The following THSD7B variants were observed in gnomAD, a reference collection of about 807,000 sequenced individuals.
The protein encoded by THSD7B is thrombospondin type 1 domain containing 7B.
Under a neutral mutation model 213.6 loss-of-function variants are expected in THSD7B, and 138 were observed. The observed-to-expected ratio is 0.65, with a 90% CI of 0.56 to 0.74. THSD7B has a LOEUF of 0.74. Among genes scored for constraint, THSD7B ranks in the 30% least tolerant of loss-of-function variants. The probability of loss-of-function intolerance (pLI) is 0.00; values close to 1 mark genes in which losing one functional copy is unlikely to be tolerated. For synonymous variants in THSD7B, 742 were observed against 687.0 expected, an observed-to-expected ratio of 1.08 and a Z score of -1.25; for missense variants, 1,931 against 1,991.5, an observed-to-expected ratio of 0.97 and a Z score of 0.58.
chr2:137,310,433 A>G, intron 12 of THSD7B, among the ~76,000 whole-genome samples: 1 of 145,256 alleles, frequency 6.9e-6, no homozygotes, highest in African/African-American at 2.6e-5. Context: ...GGTTGTGAAA[A>G]TTTTCTCCCA....
At chr2:136,771,548 A>G (rs934381347) in intron 1 of THSD7B, among the ~76,000 whole-genome samples, 5 of 152,084 alleles carry the variant, frequency 3.3e-5, no homozygotes, top group African/African-American at 7.2e-5. Context: ...AAAGTGGCCA[A>G]AAATGTTGCT....
At chr2:137,463,054 G>A (rs1687916866) in intron 15 of THSD7B, among the ~76,000 whole-genome samples, 1 of 152,134 alleles carries the variant, frequency 6.6e-6, no homozygotes, top group Admixed American at 6.5e-5. Flanking sequence ...TATCCCCCAT[G>A]GGGAAGGGGG....
intron 1 of THSD7B, among the ~76,000 whole-genome samples, chr2:136,830,507 T>G (rs903180504): frequency 6.6e-6 from 1 of 152,204 alleles, no homozygotes; most frequent in Non-Finnish European, 1.5e-5. Context: ...GATAGTGTGT[T>G]AAGGTGTTCT....
rs1682875525 is a variant in THSD7B at position 136,838,510 on chromosome 2, G to C, written c.-35-43634G>C. 2.0e-5 allele frequency among the ~76,000 whole-genome samples: 3 copies of C among 152,122 alleles called. No individual in the cohort carries two copies. The South Asian group carries it at 6.2e-4, about 32-fold the overall frequency. On this transcript the variant is annotated intron_variant, in intron 1 of 27. Coordinates refer to ENST00000409968, the MANE Select transcript of THSD7B (RefSeq NM_001316349.2). Reference sequence around the variant, plus strand: ...CTCTACTGGGTACTAGAGCTTGGGGGAACATAACCTTTCAAATTAAGGGTA... The same window carrying C: ...CTCTACTGGGTACTAGAGCTTGGGGCAACATAACCTTTCAAATTAAGGGTA...
intron 3 of THSD7B, among the ~76,000 whole-genome samples, chr2:137,077,085 T>A (rs1213274564): frequency 6.6e-6 from 1 of 151,194 alleles, no homozygotes; most frequent in Non-Finnish European, 1.5e-5. Flanking sequence ...GTTTGGTTTT[T>A]TTGTCCTTGA....
intron 17 of THSD7B, among the ~76,000 whole-genome samples, chr2:137,604,554 T>C (rs1047724951): frequency 5.3e-5 from 8 of 152,184 alleles, no homozygotes; most frequent in Admixed American, 5.2e-4. Context: ...CTCTTTTGCA[T>C]CATTTTAATC....
In THSD7B at chr2:137,572,454, G is replaced by A; in HGVS notation, c.3321G>A (p.Leu1107=). 6.2e-7 allele frequency: 1 copy of A among 1,613,914 alleles called. No individual in the cohort carries two copies. The highest frequency in any genetic ancestry group is 8.5e-7 in the Non-Finnish European group (1 of 1,179,858). Residue 1107 remains leucine (L), a synonymous_variant, in exon 17 of 28, where the codon CTG becomes CTA. Transcript: ENST00000409968. ...AAGGTGGAGCAGTGGATAGCAACCT[G>A]TGCAACCAGGATGAAATTCCCCCAG... is the stretch of plus-strand genomic sequence containing the variant. The part of the protein sequence containing the change: ...DGEGGAVDSN[L]CNQDEIPPET...
chr2:136,870,859 T>C (rs1683420764), intron 1 of THSD7B, among the ~76,000 whole-genome samples: 1 of 152,122 alleles, frequency 6.6e-6, no homozygotes, highest in African/African-American at 2.4e-5. Context: ...AAAGTATATT[T>C]TTTCCTTCCT....
Position 137,631,275 on chromosome 2 carries a change from G to A in THSD7B, c.3799+10549G>A, listed in dbSNP as rs72844544. Among the ~76,000 whole-genome samples, 1,052 of 152,220 alleles carry A rather than the reference G, an allele frequency of 6.9e-3. 11 individuals carry two copies. Among genetic ancestry groups the A allele is most frequent in the Non-Finnish European group, 9.8e-3 (665 of 67,992 alleles). On this transcript the variant is annotated intron_variant, in intron 20 of 27. Coordinates refer to ENST00000409968, the MANE Select transcript of THSD7B (RefSeq NM_001316349.2). The stretch of plus-strand genomic sequence containing the variant: ...AGAGCTTAATATTTGGATTAGTCAT[G>A]TTTTTTGTCTCTTGAATTTTCATCA...
intron 15 of THSD7B, among the ~76,000 whole-genome samples, chr2:137,482,307 T>C (rs868782564): frequency 6.6e-6 from 1 of 152,236 alleles, no homozygotes; most frequent in Non-Finnish European, 1.5e-5. Context: ...AGAAACTAAT[T>C]TGTATTCTAA....
chr2:137,463,227 A>G (rs1342265355), intron 15 of THSD7B, among the ~76,000 whole-genome samples: 1 of 152,132 alleles, frequency 6.6e-6, no homozygotes, highest in Admixed American at 6.6e-5. Flanking sequence ...GGGGGCAACT[A>G]CAACACAAAG....
intron 7 of THSD7B, among the ~76,000 whole-genome samples, chr2:137,180,791 T>C (rs1680438883): frequency 6.6e-6 from 1 of 152,206 alleles, no homozygotes; most frequent in Non-Finnish European, 1.5e-5. Context: ...ACCAACTACA[T>C]TGACCCTGCC....
At chr2:136,969,247 CT>C (rs1685368561) in intron 2 of THSD7B, among the ~76,000 whole-genome samples, 1 of 152,108 alleles carries the variant, frequency 6.6e-6, no homozygotes, top group African/African-American at 2.4e-5. Flanking sequence ...CTAGCTTATC[CT>C]CAAGTCCTTC....
chr2:137,134,257 G>A (rs764289981), intron 5 of THSD7B, among the ~76,000 whole-genome samples: 8 of 152,134 alleles, frequency 5.3e-5, no homozygotes, highest in Non-Finnish European at 8.8e-5. Flanking sequence ...AGAGCAGAGG[G>A]CCCTCTGAAG....
chr2:137,203,917 C>A (rs1395009582), intron 7 of THSD7B, among the ~76,000 whole-genome samples: 1 of 152,070 alleles, frequency 6.6e-6, no homozygotes, highest in Non-Finnish European at 1.5e-5. Context: ...TGCACCCTCT[C>A]CTCACAACCT....
chr2:137,419,730 C>T (rs1686882283), intron 14 of THSD7B, among the ~76,000 whole-genome samples: 2 of 151,812 alleles, frequency 1.3e-5, no homozygotes, highest in African/African-American at 4.8e-5. Context: ...CAGAGAGGTT[C>T]TCAATCTGGT....
chr2:137,136,090 G>A (rs1679451349), intron 5 of THSD7B, among the ~76,000 whole-genome samples: 1 of 152,076 alleles, frequency 6.6e-6, no homozygotes, highest in Non-Finnish European at 1.5e-5. Context: ...CTCATAAGTG[G>A]GAATTGAACA....
chr2:137,104,724 A>T (rs556642610), intron 4 of THSD7B, among the ~76,000 whole-genome samples: 1 of 152,296 alleles, frequency 6.6e-6, no homozygotes, highest in Admixed American at 6.5e-5. Flanking sequence ...GATAAAGGGG[A>T]TATCACCACT....
At chr2:136,880,014 A>G (rs1485520623) in intron 1 of THSD7B, among the ~76,000 whole-genome samples, 4 of 152,284 alleles carry the variant, frequency 2.6e-5, no homozygotes, top group South Asian at 2.1e-4. Context: ...CACAATAATA[A>G]TGGGAAACTA....
Sources: gnomAD v4.1 joint callset for allele counts (sites outside exome capture counted in the v4.1 genomes callset) on GRCh38, gnomAD v4.1.1 for gene constraint, MANE v1.5 for transcripts, NCBI Gene and HGNC (gene_info 2026-07-23, HGNC 2026-07-21) for gene names.